The following SIDT1 variants were observed in gnomAD, a reference collection of about 807,000 sequenced individuals.
The protein encoded by SIDT1 is SID1 transmembrane family, member 1.
Under a neutral mutation model 107.5 loss-of-function variants are expected in SIDT1, and 101 were observed. The ratio of observed to expected loss-of-function variants is 0.94; its 90% CI spans 0.80 to 1.11. The LOEUF is 1.11. SIDT1 is among the 50% of genes least tolerant of loss of function. The pLI is 0.00. For synonymous variants in SIDT1, 395 were observed against 398.2 expected, an observed-to-expected ratio of 0.99 and a Z score of 0.10; for missense variants, 1,076 against 1,058.2, an observed-to-expected ratio of 1.02 and a Z score of -0.23.
chr3:113,566,318 G>GTGTGTGTGTT (rs755263523), intron 1 of SIDT1, 102 bp from the exon 2 acceptor site: 3 of 1,174,258 alleles, frequency 2.6e-6, no homozygotes, highest in East Asian at 2.5e-5. Context: ...GGCAACTATG[G>GTGTGTGTGTT]TGTGTGTGTT....
chr3:113,615,993 A>G, intron 19 of SIDT1, 107 bp from the exon 20 acceptor site: 2 of 800,300 alleles, frequency 2.5e-6, no homozygotes, highest in Non-Finnish European at 4.5e-6. Context: ...AATGCATTTT[A>G]ATGAAGTGAG....
intron 3 of SIDT1, among the ~76,000 whole-genome samples, chr3:113,573,837 T>C (rs1168203983): frequency 6.6e-6 from 1 of 152,214 alleles, no homozygotes; most frequent in Non-Finnish European, 1.5e-5. Context: ...CCATTCTTTA[T>C]AAGTCACCGA....
At chr3:113,630,001 C>T (rs777099360), downstream of SIDT1, among the ~76,000 whole-genome samples, 13 of 152,210 alleles carry the variant, frequency 8.5e-5, no homozygotes, top group Non-Finnish European at 1.3e-4. Context: ...GTAGGATTTA[C>T]ACAAGGGCTG....
At chr3:113,564,191 C>T (rs568578127) in intron 1 of SIDT1, among the ~76,000 whole-genome samples, 13 of 152,326 alleles carry the variant, frequency 8.5e-5, no homozygotes, top group Admixed American at 2.0e-4. Context: ...CCACCCACCT[C>T]GGCCTCCGAA....
At chr3:113,617,899 T>A (rs1946214642) in intron 20 of SIDT1, among the ~76,000 whole-genome samples, 1 of 152,152 alleles carries the variant, frequency 6.6e-6, no homozygotes, top group Non-Finnish European at 1.5e-5. Context: ...CAGTGGTACA[T>A]TGGTTACAGT....
intron 10 of SIDT1, among the ~76,000 whole-genome samples, chr3:113,600,413 G>A (rs1216167935): frequency 6.6e-6 from 1 of 150,680 alleles, no homozygotes; most frequent in Non-Finnish European, 1.5e-5. Flanking sequence ...CAAATTACAT[G>A]ATCTCTCAGC....
At chr3:113,588,597 C>T (rs892039101) in intron 9 of SIDT1, among the ~76,000 whole-genome samples, 1 of 152,112 alleles carries the variant, frequency 6.6e-6, no homozygotes. Flanking sequence ...AAACACTATT[C>T]CCTTCCCATC....
Position 113,584,104 on chromosome 3 carries a change from A to T in SIDT1, c.836-594A>T, listed in dbSNP as rs56985546. On this transcript the variant is annotated intron_variant, in intron 7 of 24. Coordinates refer to ENST00000264852, the MANE Select transcript of SIDT1 (RefSeq NM_017699.3). Reference sequence around the variant, plus strand: ...AGGCTGATGATTGAAAACATAGACCACTAGCCAGTGATTAATCACATGTGA... The same window carrying T: ...AGGCTGATGATTGAAAACATAGACCTCTAGCCAGTGATTAATCACATGTGA... 8.9e-3 allele frequency among the ~76,000 whole-genome samples: 1,361 copies of T among 152,284 alleles called. 17 individuals are homozygous for T. Among genetic ancestry groups the T allele is most frequent in the African/African-American group, 0.031 (1,292 of 41,542 alleles).
chr3:113,564,349 G>A (rs993781917), intron 1 of SIDT1, among the ~76,000 whole-genome samples: 4 of 152,212 alleles, frequency 2.6e-5, no homozygotes, highest in Non-Finnish European at 5.9e-5. Flanking sequence ...ATAAGTACAT[G>A]AGCACTCATT....
chr3:113,580,674 T>C lies in SIDT1; in HGVS notation c.628T>C (p.Tyr210His), dbSNP rs370778971. The part of the protein sequence containing the change: ...VIIKVVSEMA[Y>H]PCSVVSVQNI... ...CATTAAAGTGGTGTCTGAAATGGCT[T>C]ATCCATGTTCTGTTGTCTCAGTCCA... The change falls in exon 5 of 25, where the codon TAT becomes CAT. Residue 210 changes from tyrosine (Y) to histidine (H), a missense_variant. By Grantham distance (83) the Tyr-to-His change is moderately conservative. Coordinates refer to ENST00000264852, the MANE Select transcript of SIDT1 (RefSeq NM_017699.3). The C allele has an allele frequency of 6.2e-7, 1 of 1,613,512 alleles. No homozygotes were observed. Among genetic ancestry groups the C allele is most frequent in the Non-Finnish European group, 8.5e-7 (1 of 1,179,442 alleles).
chr3:113,551,914 T>C (rs542215991), intron 1 of SIDT1, among the ~76,000 whole-genome samples: 1 of 152,116 alleles, frequency 6.6e-6, no homozygotes, highest in South Asian at 2.1e-4. Context: ...GAACAGGGCA[T>C]CTTGGAGACC....
chr3:113,544,755 T>C (rs1009314270), intron 1 of SIDT1, among the ~76,000 whole-genome samples: 15 of 152,152 alleles, frequency 9.9e-5, no homozygotes, highest in Non-Finnish European at 2.1e-4. Flanking sequence ...CCCTGGTTAC[T>C]TAATTAAAAT....
chr3:113,599,755 G>A (rs1304355135), intron 10 of SIDT1, among the ~76,000 whole-genome samples: 3 of 152,212 alleles, frequency 2.0e-5, no homozygotes, highest in African/African-American at 7.2e-5. Flanking sequence ...ATTAGGAGCT[G>A]TAAGTCAAAA....
At chr3:113,607,325 T>C (rs907485755) in intron 15 of SIDT1, among the ~76,000 whole-genome samples, 2 of 152,256 alleles carry the variant, frequency 1.3e-5, no homozygotes, top group African/African-American at 4.8e-5. Context: ...TACTGCCTGC[T>C]GAGATGAGGG....
At chr3:113,622,771 C>T (rs561092697) in intron 21 of SIDT1, among the ~76,000 whole-genome samples, 2 of 151,860 alleles carry the variant, frequency 1.3e-5, no homozygotes, top group East Asian at 1.9e-4. Flanking sequence ...AGTGAAAAAC[C>T]GAAGAATGTG....
intron 24 of SIDT1, among the ~76,000 whole-genome samples, chr3:113,627,438 A>G (rs1039928887): frequency 3.3e-4 from 50 of 152,236 alleles, no homozygotes; most frequent in African/African-American, 1.1e-3. Context: ...ATAGCACATC[A>G]TAAACCTTCA....
In SIDT1 at chr3:113,571,457, C is replaced by T. The variant is rs141657543; in HGVS notation, c.515+3747C>T. On this transcript the variant is annotated intron_variant, in intron 3 of 24. Transcript: ENST00000264852. Reference sequence around the variant, plus strand: ...AAATTGAAACAACTCTACTTTAAAGCATTGCTTGGTGCCATCTACCTATCC... The same window carrying T: ...AAATTGAAACAACTCTACTTTAAAGTATTGCTTGGTGCCATCTACCTATCC... Among the ~76,000 whole-genome samples, 701 of 146,046 alleles carry T rather than the reference C, an allele frequency of 4.8e-3. 3 individuals carry two copies. Among genetic ancestry groups the T allele is most frequent in the Non-Finnish European group, 8.8e-3 (580 of 66,118 alleles).
intron 8 of SIDT1, 80 bp downstream of exon 8, chr3:113,584,849 T>C: frequency 9.9e-7 from 1 of 1,005,248 alleles, no homozygotes; most frequent in Non-Finnish European, 1.5e-6. Flanking sequence ...ACTGTCATCC[T>C]TCCAGAGAGA....
chr3:113,533,378 G>A (rs1401736160), intron 1 of SIDT1, 135 bp downstream of exon 1: 1 of 653,806 alleles, frequency 1.5e-6, no homozygotes, highest in Non-Finnish European at 2.3e-6. Flanking sequence ...TTTCTCCTCC[G>A]AAGCAATCGC....
Sources: gnomAD v4.1 joint callset for allele counts (sites outside exome capture counted in the v4.1 genomes callset) on GRCh38, gnomAD v4.1.1 for gene constraint, MANE v1.5 for transcripts, NCBI Gene and HGNC (gene_info 2026-07-23, HGNC 2026-07-21) for gene names.